MRPS31: variants seen among roughly 807,000 people sequenced by gnomAD.
MRPS31 encodes the protein small ribosomal subunit protein mS31.
MRPS31 carries 32 observed loss-of-function variants against 43.1 expected under a neutral mutation model. The observed-to-expected ratio is 0.74, with a 90% CI of 0.56 to 1.00. The LOEUF is 1.00. Among genes scored for constraint, MRPS31 ranks in the 50% least tolerant of loss-of-function variants. The pLI, the probability that MRPS31 is intolerant of heterozygous loss-of-function variation, is 0.00. For missense variants in MRPS31, 437 were observed against 466.7 expected (o/e 0.94, Z 0.59); for synonymous variants, 165 against 161.6 (o/e 1.02, Z -0.16).
At chr13:40,763,756 C>T (rs922925481) in intron 2 of MRPS31, among the ~76,000 whole-genome samples, 1 of 152,166 alleles carries the variant, frequency 6.6e-6, no homozygotes, top group Non-Finnish European at 1.5e-5. Flanking sequence ...ATGAACAGAA[C>T]AAGATAGAGG....
At chr13:40,769,640 T>C (rs1227525495) in intron 1 of MRPS31, among the ~76,000 whole-genome samples, 4 of 151,902 alleles carry the variant, frequency 2.6e-5, no homozygotes, top group Admixed American at 2.0e-4. Context: ...ATTCAATATA[T>C]GGTACAATCT....
At chr13:40,734,556 C>G (rs1474023203) in intron 6 of MRPS31, among the ~76,000 whole-genome samples, 1 of 152,164 alleles carries the variant, frequency 6.6e-6, no homozygotes, top group Non-Finnish European at 1.5e-5. Context: ...CAATTGTTAA[C>G]TTTCAGTGGG....
chr13:40,739,969 C>G (rs1215898931), intron 6 of MRPS31, among the ~76,000 whole-genome samples: 3 of 149,220 alleles, frequency 2.0e-5, no homozygotes, highest in Non-Finnish European at 4.5e-5. Flanking sequence ...AGCTTCTGCA[C>G]AGCAAAAGAA....
intron 2 of MRPS31, among the ~76,000 whole-genome samples, chr13:40,765,565 A>C (rs1030227347): frequency 2.0e-5 from 3 of 148,918 alleles, no homozygotes; most frequent in Admixed American, 2.0e-4. Flanking sequence ...TTTTGTTTCT[A>C]AAAGCAGGAG....
At chr13:40,764,898 T>C (rs1205063683) in intron 2 of MRPS31, among the ~76,000 whole-genome samples, 7 of 152,230 alleles carry the variant, frequency 4.6e-5, no homozygotes, top group Non-Finnish European at 1.0e-4. Flanking sequence ...AATGAATGTT[T>C]TATGCCACTA....
chr13:40,762,351 C>T (rs559506435), intron 2 of MRPS31, among the ~76,000 whole-genome samples: 2 of 152,218 alleles, frequency 1.3e-5, no homozygotes, highest in Non-Finnish European at 2.9e-5. Flanking sequence ...CAGATATCTA[C>T]ATGGCTTTAT....
intron 3 of MRPS31, among the ~76,000 whole-genome samples, chr13:40,757,440 C>CTTTTTTTTTTTTTTTTTTTTTTTTT: frequency 1.0e-5 from 1 of 96,932 alleles, no homozygotes; most frequent in Non-Finnish European, 1.9e-5. Flanking sequence ...CTATGTCTTC[C>CTTTTTTTTTTTTTTTTTTTTTTTTT]TTTTTTTTTT....
chr13:40,750,741 T>TA (rs1880363259), intron 5 of MRPS31, among the ~76,000 whole-genome samples: 5 of 57,844 alleles, frequency 8.6e-5, no homozygotes, highest in African/African-American at 3.0e-4. Flanking sequence ...AGTATCCCAT[T>TA]TTATATATAT....
At chr13:40,755,516 T>C (rs1242091607) in intron 4 of MRPS31, among the ~76,000 whole-genome samples, 1 of 152,224 alleles carries the variant, frequency 6.6e-6, no homozygotes, top group Admixed American at 6.5e-5. Flanking sequence ...AACAGCCTGA[T>C]GGAGGCTATA....
At position 40,771,008 on chromosome 13, in the gene MRPS31, G is replaced by A. The variant is rs530645840; in HGVS notation, c.129C>T (p.Tyr43=). ...LLTVRHGTVR[Y]RSSALLARTK... ...ACCGGGCCAACAGCGCTGAACTGCG[G>A]TACCTGACTGTTCCGTGCCGAACAG... The change falls in exon 1 of 7, where the codon TAC becomes TAT. Residue 43 remains tyrosine (Y), a synonymous_variant. Transcript: ENST00000323563. 1 of 1,614,174 alleles carries A rather than the reference G, an allele frequency of 6.2e-7. No individual in the cohort carries two copies. Among genetic ancestry groups the A allele is most frequent in the African/African-American group, 1.3e-5 (1 of 75,058 alleles).
intron 6 of MRPS31, among the ~76,000 whole-genome samples, chr13:40,745,029 C>T (rs2064932589): frequency 6.6e-6 from 1 of 152,090 alleles, no homozygotes; most frequent in Non-Finnish European, 1.5e-5. Flanking sequence ...TCAAGAGATT[C>T]TCATGCCTCA....
intron 6 of MRPS31, among the ~76,000 whole-genome samples, chr13:40,735,612 G>C (rs1224179372): frequency 6.6e-6 from 1 of 152,016 alleles, no homozygotes; most frequent in Admixed American, 6.6e-5. Context: ...TCCTCAAGTG[G>C]GTCCCTGACC....
intron 5 of MRPS31, 199 bp from the exon 6 acceptor site, chr13:40,749,480 T>C (rs887544973): frequency 1.6e-5 from 6 of 379,258 alleles, no homozygotes; most frequent in African/African-American, 1.2e-4. Flanking sequence ...AGCTTAACTT[T>C]TGTTTTGCAA....
intron 6 of MRPS31, among the ~76,000 whole-genome samples, chr13:40,734,917 G>C (rs1429569148): frequency 3.9e-5 from 6 of 152,116 alleles, no homozygotes; most frequent in African/African-American, 9.7e-5. Flanking sequence ...AATAACGCTA[G>C]GCGGGGGAGG....
chr13:40,767,061 G>C, intron 1 of MRPS31, 28 bp from the exon 2 acceptor site: 1 of 1,557,984 alleles, frequency 6.4e-7, no homozygotes, highest in Non-Finnish European at 8.7e-7. Flanking sequence ...AGAAAAAAAT[G>C]AAAAATACAA....
rs770690567 is a variant in MRPS31 at position 40,771,009 on chromosome 13, T to C, written c.128A>G (p.Tyr43Cys). Reference sequence around the variant, plus strand: ...CCGGGCCAACAGCGCTGAACTGCGGTACCTGACTGTTCCGTGCCGAACAGT... The same window carrying C: ...CCGGGCCAACAGCGCTGAACTGCGGCACCTGACTGTTCCGTGCCGAACAGT... ...LLTVRHGTVR[Y>C]RSSALLARTK... Residue 43 changes from tyrosine to cysteine, a missense_variant, in exon 1 of 7, where the codon TAC becomes TGC. By Grantham distance (194) the Tyr-to-Cys change is radical. Transcript: ENST00000323563. The C allele has an allele frequency of 4.3e-6, 7 of 1,614,036 alleles. No individual in the cohort carries two copies. The highest frequency in any genetic ancestry group is 5.9e-6 in the Non-Finnish European group (7 of 1,180,020).
At chr13:40,742,543 G>A (rs1452060293) in intron 6 of MRPS31, among the ~76,000 whole-genome samples, 3 of 152,086 alleles carry the variant, frequency 2.0e-5, no homozygotes. Context: ...CTACCTGTCA[G>A]TTAGCACATA....
intron 6 of MRPS31, among the ~76,000 whole-genome samples, chr13:40,732,156 A>G (rs552291048): frequency 6.7e-4 from 102 of 152,368 alleles, no homozygotes; most frequent in Admixed American, 1.2e-3. Context: ...AAGATTTCTC[A>G]TTGGAGAAAC....
At chr13:40,748,078 A>C (rs1880288525) in intron 6 of MRPS31, among the ~76,000 whole-genome samples, 1 of 152,214 alleles carries the variant, frequency 6.6e-6, no homozygotes, top group Non-Finnish European at 1.5e-5. Flanking sequence ...TAAAATACAG[A>C]CTACATTTTC....
Sources: gnomAD v4.1 joint callset for allele counts (sites outside exome capture counted in the v4.1 genomes callset) on GRCh38, gnomAD v4.1.1 for gene constraint, MANE v1.5 for transcripts, NCBI Gene and HGNC (gene_info 2026-07-23, HGNC 2026-07-21) for gene names.